Variants in CPLANE1 observed in about 807,000 individuals in gnomAD.
CPLANE1 encodes the protein ciliogenesis and planar polarity effector complex subunit 1, also known as ciliogenesis and planar polarity effector 1.
CPLANE1 carries 263 observed loss-of-function variants against 362.5 expected under a neutral mutation model. The ratio of observed to expected loss-of-function variants is 0.73; its 90% CI spans 0.66 to 0.80. The LOEUF (loss-of-function observed/expected upper bound fraction) is 0.80. CPLANE1 is among the 30% of genes least tolerant of loss of function. The pLI is 0.00. For missense variants in CPLANE1, 3,461 were observed against 3,793.4 expected (o/e 0.91, Z 2.30); for synonymous variants, 1,212 against 1,302.6 (o/e 0.93, Z 1.50).
the CPLANE1 span, among the ~76,000 whole-genome samples, chr5:37,084,836 C>A: frequency 6.6e-6 from 1 of 151,102 alleles, no homozygotes; most frequent in Non-Finnish European, 1.5e-5. Context: ...TAAGAATTCA[C>A]AAACCAATCA....
intron 16 of CPLANE1, 63 bp from the exon 17 acceptor site, chr5:37,206,488 G>T: frequency 9.5e-7 from 1 of 1,052,914 alleles, no homozygotes; most frequent in Non-Finnish European, 1.4e-6. Flanking sequence ...TTCTTTACAT[G>T]GGCATATTTA....
At chr5:37,104,884 T>C (rs1231467093), downstream of CPLANE1, among the ~76,000 whole-genome samples, 2 of 146,532 alleles carry the variant, frequency 1.4e-5, no homozygotes, top group African/African-American at 2.5e-5. Context: ...GATTGTGCCA[T>C]TGCACTCCAG....
chr5:37,208,399 C>T (rs947871179), intron 16 of CPLANE1, among the ~76,000 whole-genome samples: 1 of 150,526 alleles, frequency 6.6e-6, no homozygotes, highest in Non-Finnish European at 1.5e-5. Flanking sequence ...GCTTAGAGGC[C>T]GGGAGCGGTG....
Position 37,198,435 on chromosome 5 carries a change from GA to G in CPLANE1, c.3672+266del, listed in dbSNP as rs1350657708. ...TCAATCTTTAATGACAGGGGAGTTG[GA>G]AAAAAAAAAAACTGTAATTGCCTGG... On this transcript the variant is annotated intron_variant, in intron 20 of 52. Transcript: ENST00000651892. 0.056 allele frequency among the ~76,000 whole-genome samples: 8,046 copies of G among 143,306 alleles called. 661 individuals carry two copies. Among genetic ancestry groups the G allele is most frequent in the African/African-American group, 0.18 (7,290 of 39,602 alleles). 94.0% of individuals were successfully genotyped at this position (143,306 alleles called of 152,430 possible). A position where few individuals can be genotyped will look rare whatever the true frequency, so the allele number is the denominator to read the frequency against.
chr5:37,158,389 C>G, intron 38 of CPLANE1, 44 bp from the exon 39 acceptor site: 10 of 1,553,414 alleles, frequency 6.4e-6, no homozygotes, highest in Non-Finnish European at 8.7e-6. Flanking sequence ...CAAAAAAAGG[C>G]TGTAAACTGC....
At position 37,249,371 on chromosome 5, in the gene CPLANE1, G is replaced by C. The variant is rs1046585336; in HGVS notation, c.-174C>G. On this transcript the variant is annotated 5_prime_UTR_variant, in exon 1 of 53. Transcript: ENST00000651892. ...CAGCCCTGACGCGAGCCTGCGTCCT[G>C]GCGACGGCGGAGGGCGGGCAGGGGG... 6.6e-6 allele frequency: 1 copy of C among 152,358 alleles called. No individual in the cohort carries two copies. The highest frequency in any genetic ancestry group is 1.5e-5 in the Non-Finnish European group (1 of 68,178). The allele number at this position is 152,358 out of a possible 1,614,324, so 9.4% of individuals were successfully genotyped here.
intron 19 of CPLANE1, among the ~76,000 whole-genome samples, chr5:37,199,682 G>A (rs1788599262): frequency 6.6e-6 from 1 of 152,170 alleles, no homozygotes; most frequent in South Asian, 2.1e-4. Flanking sequence ...GAGATAATGT[G>A]AGCATTGTAA....
chr5:37,174,881 A>G (rs1417083084), intron 31 of CPLANE1, among the ~76,000 whole-genome samples: 1 of 152,232 alleles, frequency 6.6e-6, no homozygotes, highest in Non-Finnish European at 1.5e-5. Flanking sequence ...GCCAAAGTGA[A>G]AGCTTTGAGT....
intron 46 of CPLANE1, among the ~76,000 whole-genome samples, chr5:37,131,771 C>T (rs1361863972): frequency 6.6e-6 from 1 of 152,034 alleles, no homozygotes; most frequent in East Asian, 1.9e-4. Flanking sequence ...ACCTCCTGAT[C>T]CGCCCACCTC....
intron 46 of CPLANE1, among the ~76,000 whole-genome samples, chr5:37,132,174 G>T (rs1414417333): frequency 6.6e-6 from 1 of 151,824 alleles, no homozygotes; most frequent in Non-Finnish European, 1.5e-5. Context: ...TTTCGTTTTT[G>T]TACAATATTT....
At chr5:37,164,594 G>A (rs1027666449) in intron 36 of CPLANE1, among the ~76,000 whole-genome samples, 2 of 152,178 alleles carry the variant, frequency 1.3e-5, no homozygotes, top group Non-Finnish European at 2.9e-5. Flanking sequence ...CTTCTACAGA[G>A]TAGCTTTGAT....
At position 37,121,768 on chromosome 5, in the gene CPLANE1, G is replaced by A; in HGVS notation, c.9034C>T (p.His3012Tyr). The A allele has an allele frequency of 6.2e-7, 1 of 1,613,584 alleles. No individual in the cohort carries two copies. Among genetic ancestry groups the A allele is most frequent in the East Asian group, 2.2e-5 (1 of 44,876 alleles). ...HEKDRLLLSE[H>Y]YSRRISQAYG... The stretch of plus-strand genomic sequence containing the variant: ...GCTTGTGAGATTCGACGACTATAGT[G>A]TTCAGAGAGCAGCAATCTGTAGACA... Residue 3012 changes from histidine (H) to tyrosine (Y), a missense_variant, in exon 49 of 53, where the codon CAC (histidine) becomes TAC (tyrosine). His to Tyr is a moderately conservative substitution (Grantham distance 83). Around this residue, in one of 2 missense-constraint regions of CPLANE1, gnomAD observed 3,380 missense variants for 3,666.1 expected, o/e 0.92. Transcript: ENST00000651892.
chr5:37,228,448 T>C (rs1796941891), intron 9 of CPLANE1, among the ~76,000 whole-genome samples: 1 of 152,176 alleles, frequency 6.6e-6, no homozygotes, highest in East Asian at 1.9e-4. Flanking sequence ...ACAGATTTTT[T>C]TTATTAGCCA....
chr5:37,151,019 C>T (rs1292725285), intron 42 of CPLANE1, among the ~76,000 whole-genome samples: 2 of 152,144 alleles, frequency 1.3e-5, no homozygotes, highest in South Asian at 2.1e-4. Flanking sequence ...TGATAATATC[C>T]CTTCACTGTT....
intron 51 of CPLANE1, among the ~76,000 whole-genome samples, chr5:37,112,296 C>G (rs1017425732): frequency 2.0e-5 from 3 of 152,192 alleles, no homozygotes; most frequent in African/African-American, 7.2e-5. Context: ...CTGGGTTTCT[C>G]TCACCTTACT....
At chr5:37,186,426 G>A in intron 23 of CPLANE1, 32 bp from the exon 24 acceptor site, 1 of 933,562 alleles carries the variant, frequency 1.1e-6, no homozygotes, top group Non-Finnish European at 1.7e-6. Context: ...AGTTTTATGA[G>A]AAACATCATT....
chr5:37,177,614 C>A lies in CPLANE1; in HGVS notation c.5900+7G>T, dbSNP rs78315844. The A allele has an allele frequency of 6.0e-3, 9,613 of 1,608,220 alleles. 137 individuals are homozygous for A. Among genetic ancestry groups the A allele is most frequent in the African/African-American group, 0.054 (4,044 of 74,756 alleles). On this transcript the variant is annotated splice_region_variant and intron_variant, in intron 30 of 52. Coordinates refer to ENST00000651892, the MANE Select transcript of CPLANE1 (RefSeq NM_001384732.1). ...GACAATCACTGTCATACTTTTTTCC[C>A]CCTTACCCTTTTTGTTCAGTCGATT...
chr5:37,099,948 G>A, the CPLANE1 span, among the ~76,000 whole-genome samples: 1 of 152,090 alleles, frequency 6.6e-6, no homozygotes, highest in Non-Finnish European at 1.5e-5. Context: ...CATTTGCCCA[G>A]CTTTTAATGG....
At chr5:37,210,566 T>C in intron 16 of CPLANE1, 1 of 1,531,690 alleles carries the variant, frequency 6.5e-7, no homozygotes. Context: ...AATCTATAAA[T>C]CGCATGAAAG....
Sources: allele counts gnomAD v4.1 joint callset (sites outside exome capture counted in the v4.1 genomes callset), GRCh38; gene constraint gnomAD v4.1.1; regional missense constraint gnomAD v4.1.1; transcripts MANE v1.5; gene names NCBI Gene and HGNC (gene_info 2026-07-23, HGNC 2026-07-21).